The following MATCAP2 variants were observed in gnomAD, a reference collection of about 807,000 sequenced individuals.
MATCAP2 encodes the protein putative tyrosine carboxypeptidase MATCAP2.
the MATCAP2 span, among the ~76,000 whole-genome samples, chr7:36,350,662 C>G: frequency 1.3e-5 from 2 of 151,966 alleles, no homozygotes; most frequent in Non-Finnish European, 2.9e-5. Context: ...TCATCTCAGC[C>G]TCCGAAGTAG....
chr7:36,383,471 T>A, the MATCAP2 span, among the ~76,000 whole-genome samples: 3 of 152,322 alleles, frequency 2.0e-5, no homozygotes, highest in East Asian at 5.8e-4. Context: ...CAGCATGGAA[T>A]ACTATGCAGC....
At chr7:36,375,317 G>A in the MATCAP2 span, among the ~76,000 whole-genome samples, 1,139 of 151,948 alleles carry the variant, frequency 7.5e-3, 8 homozygotes, top group Middle Eastern at 0.014. Context: ...TTCATGTGTC[G>A]AAGGCCTTTT....
At chr7:36,343,866 G>C in the MATCAP2 span, among the ~76,000 whole-genome samples, 1 of 151,902 alleles carries the variant, frequency 6.6e-6, no homozygotes, top group African/African-American at 2.4e-5. Context: ...TAAAATAAAT[G>C]GTTCAGAGAA....
the MATCAP2 span, among the ~76,000 whole-genome samples, chr7:36,330,211 G>A: frequency 4.0e-3 from 601 of 151,800 alleles, 3 homozygotes; most frequent in African/African-American, 0.014. Flanking sequence ...TCAGCTTCCC[G>A]AGTAGCTGGG....
At chr7:36,343,648 AAAG>A in the MATCAP2 span, among the ~76,000 whole-genome samples, 62,252 of 100,044 alleles carry the variant, frequency 0.62, 14,961 homozygotes, top group South Asian at 0.75. Context: ...AAGAAAAAGA[AAAG>A]AGAAGGAAGG....
the MATCAP2 span, among the ~76,000 whole-genome samples, chr7:36,337,098 C>CAAAAAAAAAAAAAAAAAA: frequency 0.016 from 294 of 18,526 alleles, 93 homozygotes; most frequent in Non-Finnish European, 0.018. Flanking sequence ...AACTCCATCT[C>CAAAAAAAAAAAAAAAAAA]AAAAAAAAAA....
At chr7:36,379,845 C>CAGAGAGAGAGAGAGAGAG in the MATCAP2 span, among the ~76,000 whole-genome samples, 8 of 125,310 alleles carry the variant, frequency 6.4e-5, no homozygotes, top group Non-Finnish European at 1.4e-4. Flanking sequence ...CACACACACA[C>CAGAGAGAGAGAGAGAGAG]ACAGAGAGAG....
the MATCAP2 span, among the ~76,000 whole-genome samples, chr7:36,360,305 T>C: frequency 1.2e-4 from 19 of 152,090 alleles, no homozygotes; most frequent in Non-Finnish European, 2.5e-4. Context: ...CATTTCCAGA[T>C]ACTAAAAAAA....
the MATCAP2 span, among the ~76,000 whole-genome samples, chr7:36,336,502 C>G: frequency 6.6e-6 from 1 of 152,136 alleles, no homozygotes; most frequent in Non-Finnish European, 1.5e-5. Context: ...TTTAGCAATA[C>G]GAACTCTTCC....
the MATCAP2 span, among the ~76,000 whole-genome samples, chr7:36,333,127 C>T: frequency 6.6e-6 from 1 of 152,134 alleles, no homozygotes; most frequent in Non-Finnish European, 1.5e-5. Context: ...AAGACAGCAG[C>T]GGATCTCCCA....
chr7:36,378,009 T>G, the MATCAP2 span, among the ~76,000 whole-genome samples: 2 of 152,204 alleles, frequency 1.3e-5, no homozygotes, highest in Non-Finnish European at 2.9e-5. Flanking sequence ...CGTCTAATGT[T>G]TTTTCAAGGT....
At chr7:36,370,541 G>A in the MATCAP2 span, among the ~76,000 whole-genome samples, 1 of 152,088 alleles carries the variant, frequency 6.6e-6, no homozygotes, top group Admixed American at 6.6e-5. Flanking sequence ...GAGTACAGTG[G>A]CGCAATCTTG....
the MATCAP2 span, among the ~76,000 whole-genome samples, chr7:36,364,373 G>A: frequency 1.3e-5 from 2 of 152,108 alleles, no homozygotes; most frequent in Non-Finnish European, 2.9e-5. Flanking sequence ...ACAAGTGTGA[G>A]CCACTGCACC....
chr7:36,346,137 A>G, the MATCAP2 span, among the ~76,000 whole-genome samples: 1 of 152,174 alleles, frequency 6.6e-6, no homozygotes, highest in African/African-American at 2.4e-5. Context: ...GGAAAAAAAA[A>G]GGGCTGATGA....
the MATCAP2 span, chr7:36,324,767 A>G: frequency 6.6e-6 from 1 of 152,222 alleles, no homozygotes; most frequent in African/African-American, 2.4e-5. Context: ...TTGTCTGCAG[A>G]GTGCTCATGT....
chr7:36,333,063 G>T, the MATCAP2 span, among the ~76,000 whole-genome samples: 1 of 152,326 alleles, frequency 6.6e-6, no homozygotes, highest in East Asian at 1.9e-4. Context: ...TGGGGGAAGG[G>T]GTGGCAGTGG....
chr7:36,366,916 C>T, the MATCAP2 span: 4 of 1,446,196 alleles, frequency 2.8e-6, no homozygotes, highest in Non-Finnish European at 3.6e-6. Flanking sequence ...CGGCACTCAC[C>T]CGTCACGCGA....
chr7:36,349,774 A>C, the MATCAP2 span, among the ~76,000 whole-genome samples: 1 of 152,224 alleles, frequency 6.6e-6, no homozygotes, highest in Non-Finnish European at 1.5e-5. Context: ...GAGAATGTAC[A>C]TGTTAATCAA....
the MATCAP2 span, among the ~76,000 whole-genome samples, chr7:36,376,843 TA>T: frequency 3.3e-5 from 5 of 152,252 alleles, no homozygotes; most frequent in Non-Finnish European, 5.9e-5. Context: ...TACCATTATG[TA>T]ATGGCCTTCT....
Sources: allele counts gnomAD v4.1 joint callset (sites outside exome capture counted in the v4.1 genomes callset), GRCh38; gene constraint gnomAD v4.1.1; transcripts MANE v1.5; gene names NCBI Gene and HGNC (gene_info 2026-07-23, HGNC 2026-07-21).